Variants in TRIM71 observed in about 807,000 individuals in gnomAD.
The protein encoded by TRIM71 is E3 ubiquitin-protein ligase TRIM71.
TRIM71 carries 9 observed loss-of-function variants against 61.2 expected under a neutral mutation model. That is an observed-to-expected ratio of 0.15 (90% CI 0.09 to 0.26). The LOEUF is 0.26. Ranked by LOEUF, TRIM71 falls within the 10% of genes least tolerant of loss-of-function variation. TRIM71 has a pLI of 1.00. For missense variants in TRIM71, 998 were observed against 1,238.7 expected (o/e 0.81, Z 2.92); for synonymous variants, 645 against 553.2 (o/e 1.17, Z -2.33).
chr3:32,878,833 C>G (rs1015685077), intron 2 of TRIM71, among the ~76,000 whole-genome samples: 3 of 152,174 alleles, frequency 2.0e-5, no homozygotes, highest in African/African-American at 7.2e-5. Context: ...GAGAGTCAGC[C>G]CGTCCATTGA....
intron 1 of TRIM71, among the ~76,000 whole-genome samples, chr3:32,865,180 T>A (rs1696718778): frequency 6.6e-6 from 1 of 151,882 alleles, no homozygotes; most frequent in Non-Finnish European, 1.5e-5. Context: ...ATACAAAAAA[T>A]TAGCTGGGTG....
chr3:32,888,726 G>C (rs1048162076), intron 3 of TRIM71, among the ~76,000 whole-genome samples: 2 of 152,130 alleles, frequency 1.3e-5, no homozygotes, highest in African/African-American at 4.8e-5. Context: ...TTTTAGTACA[G>C]AGAAGGTCTC....
chr3:32,874,355 TACTACTACTACTACA>T (rs1470989683), intron 2 of TRIM71, among the ~76,000 whole-genome samples: 3 of 148,874 alleles, frequency 2.0e-5, no homozygotes, highest in African/African-American at 7.7e-5. Flanking sequence ...CTACTACTAC[TACTACTACTACTACA>T]ACATATTTTT....
chr3:32,882,626 G>T (rs1041230941), intron 2 of TRIM71, among the ~76,000 whole-genome samples: 1 of 152,082 alleles, frequency 6.6e-6, no homozygotes, highest in African/African-American at 2.4e-5. Context: ...GCTTGCTGCA[G>T]CTTCGATCTC....
In TRIM71 at chr3:32,818,440, C is replaced by T. The variant is rs1419202222; in HGVS notation, c.360C>T (p.Leu120=). Residue 120 remains leucine (L), a synonymous_variant, in exon 1 of 4, where the codon CTC becomes CTT. Coordinates refer to ENST00000383763, the MANE Select transcript of TRIM71 (RefSeq NM_001039111.3). ...CCGCCTTCCTGCTTAGCAACCTGCT[C>T]GACGCGGTGGTGGCCACTGCCGACG... ...PSSAFLLSNL[L]DAVVATADEP... The T allele has an allele frequency of 2.7e-6, 4 of 1,473,582 alleles. No individual in the cohort carries two copies. The highest frequency in any genetic ancestry group is 1.5e-5 in the African/African-American group (1 of 67,886). 91.3% of individuals were successfully genotyped at this position (1,473,582 alleles called of 1,614,324 possible). A position where few individuals can be genotyped will look rare whatever the true frequency, so the allele number is the denominator to read the frequency against.
intron 1 of TRIM71, among the ~76,000 whole-genome samples, chr3:32,849,732 C>A (rs1321497198): frequency 1.3e-5 from 2 of 152,178 alleles, no homozygotes; most frequent in Non-Finnish European, 2.9e-5. Flanking sequence ...TCCCCTTCCA[C>A]TTTTTTTGTC....
At chr3:32,887,369 C>A (rs1696972595) in intron 3 of TRIM71, among the ~76,000 whole-genome samples, 1 of 151,866 alleles carries the variant, frequency 6.6e-6, no homozygotes, top group Non-Finnish European at 1.5e-5. Flanking sequence ...TCTGCTTGCC[C>A]AAAAATTCAT....
In TRIM71 at chr3:32,818,844, G is replaced by A; in HGVS notation, c.764G>A (p.Gly255Glu). ...PGAAAAAQQL[G>E]LGPPFPGPPF... ...GCCGCAGCAGCGGCGCAGCAGCTCG[G>A]GCTCGGGCCGCCCTTTCCCGGCCCG... Residue 255 changes from glycine to glutamate, a missense_variant, in exon 1 of 4, where the codon GGG becomes GAG. Around this residue, in one of 5 missense-constraint regions of TRIM71, gnomAD observed 527 missense variants for 427.8 expected, o/e 1.23. Coordinates refer to ENST00000383763, the MANE Select transcript of TRIM71 (RefSeq NM_001039111.3). The A allele has an allele frequency of 1.2e-6, 2 of 1,612,082 alleles. No individual in the cohort carries two copies. Among genetic ancestry groups the A allele is most frequent in the Middle Eastern group, 1.7e-4 (1 of 6,054 alleles).
chr3:32,853,872 C>T (rs1038641048), intron 1 of TRIM71, among the ~76,000 whole-genome samples: 1 of 152,080 alleles, frequency 6.6e-6, no homozygotes, highest in African/African-American at 2.4e-5. Context: ...CCAGGCATGG[C>T]GTGTGCCTGT....
chr3:32,865,477 G>C (rs1262331271), intron 1 of TRIM71, among the ~76,000 whole-genome samples: 4 of 152,180 alleles, frequency 2.6e-5, no homozygotes, highest in African/African-American at 7.2e-5. Flanking sequence ...GCGGCAGCAA[G>C]AGACATATTC....
At chr3:32,879,867 G>A (rs1038839141) in intron 2 of TRIM71, among the ~76,000 whole-genome samples, 7 of 151,632 alleles carry the variant, frequency 4.6e-5, no homozygotes, top group Admixed American at 6.6e-5. Context: ...CCAGCTACTC[G>A]GGAGGATTGC....
At chr3:32,889,973 C>T (rs902082551) in intron 3 of TRIM71, among the ~76,000 whole-genome samples, 1 of 151,964 alleles carries the variant, frequency 6.6e-6, no homozygotes, top group Non-Finnish European at 1.5e-5. Flanking sequence ...AACACAATGC[C>T]TTTACCCCTA....
chr3:32,889,183 T>C (rs1401373462), intron 3 of TRIM71, among the ~76,000 whole-genome samples: 2 of 152,220 alleles, frequency 1.3e-5, no homozygotes, highest in African/African-American at 4.8e-5. Flanking sequence ...TTTCTGTGGG[T>C]TACTGCAGTA....
intron 1 of TRIM71, among the ~76,000 whole-genome samples, chr3:32,857,987 C>T (rs938816352): frequency 6.6e-6 from 1 of 151,764 alleles, no homozygotes; most frequent in African/African-American, 2.4e-5. Context: ...AGGGGCGGGA[C>T]ACAAAAAGAA....
At chr3:32,888,531 G>GTTTGTT (rs1696985591) in intron 3 of TRIM71, among the ~76,000 whole-genome samples, 1 of 147,250 alleles carries the variant, frequency 6.8e-6, no homozygotes, top group Non-Finnish European at 1.5e-5. Context: ...TCCTTTTGCG[G>GTTTGTT]TTTGTTGTTG....
At chr3:32,849,361 G>T (rs368757847) in intron 1 of TRIM71, among the ~76,000 whole-genome samples, 123 of 146,404 alleles carry the variant, frequency 8.4e-4, no homozygotes, top group East Asian at 2.8e-3. Flanking sequence ...AGTTTTTTTG[G>T]TTTTTTTTTT....
chr3:32,826,958 G>T (rs553985047), intron 1 of TRIM71, among the ~76,000 whole-genome samples: 2 of 151,768 alleles, frequency 1.3e-5, no homozygotes, highest in East Asian at 3.9e-4. Context: ...TAGAGACGGG[G>T]TTTCACTGTG....
rs557533296 is a variant in TRIM71, at chr3:32,866,338, C to T, written c.853-7480C>T. On this transcript the variant is annotated intron_variant, in intron 1 of 3. Transcript: ENST00000383763. ...ATCTCGCCTCACTGCAATCTCTGCC[C>T]CCTGGGTTCAATCTATTCTGCCTCA... 5.9e-5 allele frequency among the ~76,000 whole-genome samples: 9 copies of T among 151,414 alleles called. No individual in the cohort carries two copies. The South Asian group carries it at 1.5e-3, about 25-fold the overall frequency.
At chr3:32,858,990 G>A (rs1696636385) in intron 1 of TRIM71, among the ~76,000 whole-genome samples, 1 of 152,122 alleles carries the variant, frequency 6.6e-6, no homozygotes, top group African/African-American at 2.4e-5. Flanking sequence ...ATCTGATGGG[G>A]TGGATGGTGA....
Sources: gnomAD v4.1 joint callset for allele counts (sites outside exome capture counted in the v4.1 genomes callset) on GRCh38, gnomAD v4.1.1 for gene constraint, gnomAD v4.1.1 regional missense constraint, MANE v1.5 for transcripts, NCBI Gene and HGNC (gene_info 2026-07-23, HGNC 2026-07-21) for gene names.